Variants in TLL2 observed in about 807,000 individuals in gnomAD.
TLL2 encodes the protein tolloid-like protein 2.
A neutral mutation model predicts 123.0 loss-of-function variants in TLL2; 106 were observed. The ratio of observed to expected loss-of-function variants is 0.86; its 90% CI spans 0.74 to 1.01. TLL2 has a LOEUF of 1.01. Ranked by LOEUF, TLL2 falls within the 50% of genes least tolerant of loss-of-function variation. The pLI is 0.00. For missense variants in TLL2, 1,332 were observed against 1,336.7 expected, an observed-to-expected ratio of 1.00 and a Z score of 0.06; for synonymous variants, 494 against 516.8, an observed-to-expected ratio of 0.96 and a Z score of 0.60.
chr10:96,374,153 T>C, intron 18 of TLL2: 1 of 279,758 alleles, frequency 3.6e-6, no homozygotes, highest in East Asian at 9.2e-5. Context: ...AAATCTGTCT[T>C]CCTTCCATCC....
At chr10:96,414,012 A>C (rs548244875) in intron 7 of TLL2, among the ~76,000 whole-genome samples, 63 of 152,216 alleles carry the variant, frequency 4.1e-4, no homozygotes, top group African/African-American at 1.5e-3. Context: ...AGCCCCTTCT[A>C]TCTCTAACAT....
At chr10:96,495,667 C>T (rs957714719) in intron 1 of TLL2, among the ~76,000 whole-genome samples, 2 of 152,026 alleles carry the variant, frequency 1.3e-5, no homozygotes, top group Non-Finnish European at 2.9e-5. Context: ...TGCATTCAGG[C>T]GCGTTTGCAG....
At chr10:96,429,245 C>T (rs1846711448) in intron 4 of TLL2, among the ~76,000 whole-genome samples, 1 of 151,878 alleles carries the variant, frequency 6.6e-6, no homozygotes, top group South Asian at 2.1e-4. Context: ...CCAATGTAAG[C>T]ATGGGTGGTG....
In TLL2 at chr10:96,370,095, C is replaced by A. The variant is rs777345781; in HGVS notation, c.2883G>T (p.Ala961=). Residue 961 remains alanine, a synonymous_variant, in exon 20 of 21, where the codon GCG becomes GCT. Transcript: ENST00000357947. ...MEAYDGYDSS[A]PRLGRFCGSG... ...AGCCACAGAAGCGGCCGAGCCTGGG[C>A]GCTGAGCTGTCGTAGCCGTCGTAGG... 3 of 1,608,012 alleles carry A rather than the reference C, an allele frequency of 1.9e-6. No homozygotes were observed. Among genetic ancestry groups the A allele is most frequent in the African/African-American group, 1.3e-5 (1 of 74,974 alleles).
intron 9 of TLL2, among the ~76,000 whole-genome samples, chr10:96,406,400 T>A (rs1365189764): frequency 6.6e-6 from 1 of 152,042 alleles, no homozygotes; most frequent in Non-Finnish European, 1.5e-5. Flanking sequence ...CCACTCTTCC[T>A]CATCTCCAGC....
At chr10:96,439,598 C>T (rs1042647729) in intron 3 of TLL2, among the ~76,000 whole-genome samples, 1 of 152,154 alleles carries the variant, frequency 6.6e-6, no homozygotes, top group African/African-American at 2.4e-5. Flanking sequence ...TGGCCATTCA[C>T]CTTTCTTTCC....
At chr10:96,404,197 T>C (rs531494755) in intron 10 of TLL2, among the ~76,000 whole-genome samples, 1 of 152,186 alleles carries the variant, frequency 6.6e-6, no homozygotes. Context: ...CTGTGTCTTA[T>C]TTCTTTTCTC....
In TLL2 at chr10:96,379,045, C is replaced by G. The variant is rs747500669; in HGVS notation, c.2242G>C (p.Val748Leu). 11 of 1,614,156 alleles carry G rather than the reference C, an allele frequency of 6.8e-6. No individual in the cohort carries two copies. Among genetic ancestry groups the G allele is most frequent in the Non-Finnish European group, 9.3e-6 (11 of 1,180,016 alleles). Residue 748 changes from valine to leucine, a missense_variant, in exon 17 of 21, where the codon GTC (valine) becomes CTC (leucine). By Grantham distance (32) the Val-to-Leu change is conservative. Coordinates refer to ENST00000357947, the MANE Select transcript of TLL2 (RefSeq NM_012465.4). ...KDNGGCQHEC[V>L]NTFGSYLCRC... is the part of the protein sequence containing the mutation. ...CACAGGTAGCTCCCGAAGGTGTTGA[C>G]GCACTCATGCTGACACCCGCCGTTG...
chr10:96,457,080 G>A (rs937892134), intron 2 of TLL2, among the ~76,000 whole-genome samples: 5 of 152,204 alleles, frequency 3.3e-5, no homozygotes, highest in Non-Finnish European at 7.3e-5. Context: ...GGAATAATAG[G>A]TGCTAACTTT....
intron 5 of TLL2, among the ~76,000 whole-genome samples, chr10:96,423,363 T>A (rs7096410): frequency 0.33 from 49,719 of 151,972 alleles, 8,209 homozygotes; most frequent in Non-Finnish European, 0.36. Flanking sequence ...TGCTGGGCCA[T>A]TTTTAATGAA....
chr10:96,462,737 A>G (rs1208400288), intron 2 of TLL2, among the ~76,000 whole-genome samples: 1 of 152,234 alleles, frequency 6.6e-6, no homozygotes, highest in African/African-American at 2.4e-5. Flanking sequence ...TTTATAACTC[A>G]TGCCTGAATG....
intron 17 of TLL2, 96 bp downstream of exon 17, chr10:96,378,871 C>T (rs1444819504): frequency 6.6e-7 from 1 of 1,510,530 alleles, no homozygotes; most frequent in Non-Finnish European, 9.0e-7. Context: ...TGGAAGAGGT[C>T]CTCGCCGCAC....
chr10:96,422,234 G>T (rs1244742504), intron 6 of TLL2, among the ~76,000 whole-genome samples: 1 of 147,178 alleles, frequency 6.8e-6, no homozygotes, highest in African/African-American at 2.5e-5. Context: ...TGGCTTATCA[G>T]CTCTGATGCT....
chr10:96,417,244 C>T (rs55825682), intron 7 of TLL2, among the ~76,000 whole-genome samples: 1,750 of 152,154 alleles, frequency 0.012, 35 homozygotes, highest in African/African-American at 0.04. Context: ...GAGTTGGGAG[C>T]GGGGAAACTA....
intron 1 of TLL2, among the ~76,000 whole-genome samples, chr10:96,505,316 A>G (rs1265503619): frequency 6.6e-6 from 1 of 152,252 alleles, no homozygotes. Context: ...ACCTCCCACC[A>G]GGTCTCTCCC....
rs200567565 is a variant in TLL2, at chr10:96,370,324, G to C, written c.2663-9C>G. On this transcript the variant is annotated splice_polypyrimidine_tract_variant and intron_variant, in intron 19 of 20. Coordinates refer to ENST00000357947, the MANE Select transcript of TLL2 (RefSeq NM_012465.4). ...CAGCCTGCCCCCGCACTCTGGAGCA[G>C]AGAGAAGTGAGATGTCCCCTCAGCA... 41 of 1,549,874 alleles carry C rather than the reference G, an allele frequency of 2.6e-5. No homozygotes were observed. The African/African-American group carries it at 5.3e-4, about 20-fold the overall frequency.
intron 2 of TLL2, among the ~76,000 whole-genome samples, chr10:96,456,651 C>T (rs1328763615): frequency 6.6e-6 from 1 of 152,226 alleles, no homozygotes; most frequent in Non-Finnish European, 1.5e-5. Context: ...AGGAGGGCCC[C>T]TTCAATTCGG....
intron 2 of TLL2, among the ~76,000 whole-genome samples, chr10:96,448,956 A>G (rs1337006250): frequency 6.6e-6 from 1 of 152,178 alleles, no homozygotes; most frequent in Non-Finnish European, 1.5e-5. Flanking sequence ...TTGTAACTGC[A>G]CTGGTTTTGT....
At chr10:96,473,132 C>A (rs956104103) in intron 2 of TLL2, among the ~76,000 whole-genome samples, 32 of 152,220 alleles carry the variant, frequency 2.1e-4, no homozygotes, top group African/African-American at 7.7e-4. Context: ...CAGATAGGAA[C>A]TCTAGGAACC....
Sources: allele counts gnomAD v4.1 joint callset (sites outside exome capture counted in the v4.1 genomes callset), GRCh38; gene constraint gnomAD v4.1.1; transcripts MANE v1.5; gene names NCBI Gene and HGNC (gene_info 2026-07-23, HGNC 2026-07-21).